Variants in RBFOX2 observed in about 807,000 individuals in gnomAD.
The protein encoded by RBFOX2 is RNA binding protein fox-1 homolog 2.
In RBFOX2, 10 loss-of-function variants were observed where a neutral mutation model predicts 49.1. That is an observed-to-expected ratio of 0.20 (90% CI 0.13 to 0.35). The LOEUF (loss-of-function observed/expected upper bound fraction) is 0.35, where lower values mean the gene tolerates loss of function less well. Ranked by LOEUF, RBFOX2 falls within the 10% of genes least tolerant of loss-of-function variation. The pLI is 1.00. For missense variants in RBFOX2, 323 were observed against 486.9 expected (o/e 0.66, Z 3.17); for synonymous variants, 183 against 187.4 (o/e 0.98, Z 0.19).
intron 1 of RBFOX2, among the ~76,000 whole-genome samples, chr22:35,855,994 G>A (rs1013239938): frequency 6.6e-5 from 10 of 151,366 alleles, no homozygotes; most frequent in Admixed American, 3.9e-4. Context: ...GAGACAGAGT[G>A]AGACTCTGTC....
intron 1 of RBFOX2, chr22:35,822,903 C>A: frequency 5.3e-6 from 2 of 376,440 alleles, no homozygotes. Flanking sequence ...TAGCTCACTG[C>A]AACTTCCACC....
At chr22:35,848,749 T>C (rs924165429) in intron 1 of RBFOX2, among the ~76,000 whole-genome samples, 4 of 152,266 alleles carry the variant, frequency 2.6e-5, no homozygotes. Context: ...AGTAGTATCT[T>C]TAATTCAGAA....
chr22:35,806,890 C>CG (rs1455081222), intron 2 of RBFOX2, among the ~76,000 whole-genome samples: 3 of 152,082 alleles, frequency 2.0e-5, no homozygotes, highest in Non-Finnish European at 4.4e-5. Flanking sequence ...CTGCAACCTC[C>CG]GCCTCCCCAG....
intron 2 of RBFOX2, among the ~76,000 whole-genome samples, chr22:35,790,274 G>A (rs1947333623): frequency 1.3e-5 from 2 of 152,168 alleles, no homozygotes; most frequent in Admixed American, 1.3e-4. Context: ...TATATTTCAA[G>A]TGAAGAAGGG....
rs371533993 is a variant in RBFOX2 at position 35,810,729 on chromosome 22, A to G, written c.28-725T>C. ...TTATGATATAACTGTCATATGATAA[A>G]CAGCACTTATTTATTTACAGTATAC... is the stretch of plus-strand genomic sequence containing the variant. On this transcript the variant is annotated intron_variant, in intron 1 of 11. Coordinates refer to ENST00000405409, the Ensembl canonical transcript of RBFOX2. 4.6e-5 allele frequency among the ~76,000 whole-genome samples: 7 copies of G among 152,348 alleles called. No homozygotes were observed. In the East Asian group the frequency reaches 1.3e-3, roughly 29 times the overall value.
intron 3 of RBFOX2, 67 bp from the exon 5 acceptor site, chr22:35,778,145 T>C (rs1218286623): frequency 1.0e-5 from 13 of 1,276,796 alleles, no homozygotes; most frequent in South Asian, 3.8e-5. Context: ...TGTTATCTTC[T>C]GAAATGGGAA....
chr22:35,804,147 G>T (rs1950270859), intron 2 of RBFOX2, among the ~76,000 whole-genome samples: 2 of 151,966 alleles, frequency 1.3e-5, no homozygotes, highest in African/African-American at 2.4e-5. Flanking sequence ...GCATGGTGGT[G>T]CATGCCCATA....
At chr22:35,973,748 A>G (rs1440388876) in intron 1 of RBFOX2, among the ~76,000 whole-genome samples, 1 of 152,206 alleles carries the variant, frequency 6.6e-6, no homozygotes, top group Non-Finnish European at 1.5e-5. Flanking sequence ...ACCATTTCAC[A>G]TCCAGAAGAA....
chr22:35,776,665 T>C (rs1357165862), intron 4 of RBFOX2, among the ~76,000 whole-genome samples: 1 of 152,168 alleles, frequency 6.6e-6, no homozygotes, highest in Non-Finnish European at 1.5e-5. Flanking sequence ...GTTTAAGAGA[T>C]TTAACCATAG....
chr22:35,743,959 A>C (rs1367652412), exon 12 of RBFOX2: 2 of 404,078 alleles, frequency 4.9e-6, no homozygotes, highest in Non-Finnish European at 8.7e-6. Context: ...CAGTTTAAAA[A>C]AAAAAAGAAA....
intron 1 of RBFOX2, among the ~76,000 whole-genome samples, chr22:35,977,693 T>C (rs1325930009): frequency 2.1e-5 from 3 of 141,234 alleles, no homozygotes; most frequent in Non-Finnish European, 4.5e-5. Flanking sequence ...AGAATGAATT[T>C]TACTGCATGT....
intron 9 of RBFOX2, among the ~76,000 whole-genome samples, chr22:35,754,869 G>A (rs912075303): frequency 8.5e-5 from 13 of 152,150 alleles, no homozygotes; most frequent in African/African-American, 3.1e-4. Flanking sequence ...TAAGTTAGGA[G>A]GTTGGACCAA....
At chr22:35,965,257 G>A (rs1250865770), upstream of RBFOX2, among the ~76,000 whole-genome samples, 1 of 152,138 alleles carries the variant, frequency 6.6e-6, no homozygotes, top group Non-Finnish European at 1.5e-5. Flanking sequence ...CTTGAACTTT[G>A]AAGAATTTTA....
intron 1 of RBFOX2, among the ~76,000 whole-genome samples, chr22:35,846,388 C>T (rs1259627029): frequency 6.8e-6 from 1 of 146,994 alleles, no homozygotes; most frequent in Non-Finnish European, 1.5e-5. Context: ...ACACCAAGGT[C>T]AACTTCCCAT....
intron 1 of RBFOX2, among the ~76,000 whole-genome samples, chr22:35,948,248 T>C (rs962613617): frequency 4.6e-5 from 7 of 152,196 alleles, no homozygotes; most frequent in Admixed American, 2.6e-4. Context: ...GTATGCTTCA[T>C]ACAGCCAGAT....
intron 1 of RBFOX2, among the ~76,000 whole-genome samples, chr22:35,839,305 T>C (rs1300834234): frequency 6.6e-6 from 1 of 152,184 alleles, no homozygotes; most frequent in East Asian, 1.9e-4. Context: ...TGGAAGAGCA[T>C]TCACCTTTCC....
intron 1 of RBFOX2, among the ~76,000 whole-genome samples, chr22:35,956,021 T>C (rs2055512536): frequency 6.6e-6 from 1 of 152,234 alleles, no homozygotes; most frequent in Non-Finnish European, 1.5e-5. Flanking sequence ...TCAATGAATT[T>C]TTTCATACTG....
At chr22:35,772,386 T>C (rs1161695788) in intron 4 of RBFOX2, among the ~76,000 whole-genome samples, 1 of 152,168 alleles carries the variant, frequency 6.6e-6, no homozygotes, top group Non-Finnish European at 1.5e-5. Context: ...TAACCCAATA[T>C]AAACACATAT....
chr22:35,871,316 T>C (rs2044329702), intron 1 of RBFOX2, among the ~76,000 whole-genome samples: 1 of 152,106 alleles, frequency 6.6e-6, no homozygotes, highest in Non-Finnish European at 1.5e-5. Context: ...GAGAAGGGAA[T>C]AGAGGAAACT....
Sources: gnomAD v4.1 joint callset for allele counts (sites outside exome capture counted in the v4.1 genomes callset) on GRCh38, gnomAD v4.1.1 for gene constraint, MANE v1.5 for transcripts, NCBI Gene and HGNC (gene_info 2026-07-23, HGNC 2026-07-21) for gene names.